Variants in AFP observed in about 807,000 individuals in gnomAD.
The protein encoded by AFP is alpha-fetoprotein.
A neutral mutation model predicts 78.9 loss-of-function variants in AFP; 64 were observed. The ratio of observed to expected loss-of-function variants is 0.81; its 90% CI spans 0.66 to 1.00. The LOEUF is 1.00. AFP is among the 50% of genes least tolerant of loss of function. The probability of loss-of-function intolerance (pLI) is 0.00; values close to 1 mark genes in which losing one functional copy is unlikely to be tolerated. For synonymous variants in AFP, 254 were observed against 243.8 expected, an observed-to-expected ratio of 1.04 and a Z score of -0.39; for missense variants, 689 against 703.8, an observed-to-expected ratio of 0.98 and a Z score of 0.24.
At chr4:73,445,433 GTATT>G (rs1187540491) in intron 7 of AFP, among the ~76,000 whole-genome samples, 1 of 152,028 alleles carries the variant, frequency 6.6e-6, no homozygotes, top group Non-Finnish European at 1.5e-5. Flanking sequence ...AAGGTTTAAT[GTATT>G]TATTTTTTCA....
rs746844994 is a variant in AFP, at chr4:73,442,383, A to G, written c.570A>G (p.Pro190=). ...LWAARYDKII[P]SCCKAENAVE... ...CTGCTCGCTATGACAAAATAATTCC[A>G]TCTTGCTGCAAAGCTGAAAATGCAG... is the stretch of plus-strand genomic sequence containing the variant. Residue 190 remains proline, a synonymous_variant, in exon 5 of 15, where the codon CCA becomes CCG. Transcript: ENST00000395792. The G allele has an allele frequency of 2.5e-6, 4 of 1,613,974 alleles. No homozygotes were observed. Among genetic ancestry groups the G allele is most frequent in the Admixed American group, 3.3e-5 (2 of 60,008 alleles).
At chr4:73,454,610 C>G (rs1300019772) in intron 13 of AFP, among the ~76,000 whole-genome samples, 1 of 152,084 alleles carries the variant, frequency 6.6e-6, no homozygotes, top group Non-Finnish European at 1.5e-5. Flanking sequence ...TATAGCAACA[C>G]TATACTTTAA....
At chr4:73,444,892 C>A in intron 6 of AFP, 101 bp from the exon 7 acceptor site, 1 of 1,047,078 alleles carries the variant, frequency 9.6e-7, no homozygotes. Flanking sequence ...GAATTTCAGT[C>A]ATTTCTCTTT....
At position 73,450,059 on chromosome 4, in the gene AFP, C is replaced by T. The variant is rs1577958124; in HGVS notation, c.1215C>T (p.Ile405=). 1.9e-6 allele frequency: 3 copies of T among 1,613,150 alleles called. No homozygotes were observed. Among genetic ancestry groups the T allele is most frequent in the Non-Finnish European group, 2.5e-6 (3 of 1,179,420 alleles). ...DKGEEELQKY[I]QESQALAKRS... is the part of the protein sequence containing the mutation. ...AGGAAGAAGAATTACAGAAATACAT[C>T]CAGGAGAGCCAAGCATTGGCAAAGC... Residue 405 remains isoleucine (I), a synonymous_variant, in exon 10 of 15, where the codon ATC becomes ATT. Transcript: ENST00000395792.
At chr4:73,450,790 G>T in intron 11 of AFP, 37 bp downstream of exon 11, 3 of 1,613,008 alleles carry the variant, frequency 1.9e-6, no homozygotes, top group Non-Finnish European at 2.5e-6. Context: ...TCTCATTTCT[G>T]CCCTGTTTGA....
intron 8 of AFP, among the ~76,000 whole-genome samples, chr4:73,448,927 GA>G (rs2149335763): frequency 6.6e-6 from 1 of 152,162 alleles, no homozygotes; most frequent in Admixed American, 6.5e-5. Flanking sequence ...ACTGAAATGA[GA>G]TGGCCTATTT....
intron 3 of AFP, among the ~76,000 whole-genome samples, chr4:73,438,582 T>C (rs546931513): frequency 6.6e-6 from 1 of 152,216 alleles, no homozygotes; most frequent in Admixed American, 6.5e-5. Flanking sequence ...TGAGCTTCAG[T>C]TTTCTTATCT....
intron 10 of AFP, 56 bp downstream of exon 10, chr4:73,450,189 C>G (rs962797364): frequency 3.0e-5 from 40 of 1,326,486 alleles, no homozygotes; most frequent in Non-Finnish European, 3.7e-5. Context: ...GAGAATGTAG[C>G]CTTCCCCATT....
intron 10 of AFP, 21 bp downstream of exon 10, chr4:73,450,154 T>G: frequency 1.9e-6 from 3 of 1,545,774 alleles, no homozygotes; most frequent in Non-Finnish European, 2.7e-6. Flanking sequence ...GTAAACAGTA[T>G]TTTTAGTGAA....
chr4:73,439,579 C>A (rs1480784361), intron 3 of AFP, among the ~76,000 whole-genome samples: 5 of 152,264 alleles, frequency 3.3e-5, no homozygotes, highest in Non-Finnish European at 7.4e-5. Context: ...AATTAGAAAT[C>A]TTACGTAAGC....
chr4:73,447,251 A>G (rs1209310355), intron 7 of AFP, among the ~76,000 whole-genome samples: 1 of 152,010 alleles, frequency 6.6e-6, no homozygotes, highest in Non-Finnish European at 1.5e-5. Flanking sequence ...TTGCACTGCT[A>G]AATAAAATTA....
At chr4:73,437,233 G>A (rs1719534126) in intron 2 of AFP, 22 bp downstream of exon 2, 1 of 1,575,334 alleles carries the variant, frequency 6.3e-7, no homozygotes, top group Non-Finnish European at 8.7e-7. Context: ...TTATATAAAT[G>A]TACTTTAAAT....
chr4:73,436,288 T>A lies in AFP; in HGVS notation c.26T>A (p.Leu9Ter), dbSNP rs200781949. Residue 9 changes from leucine to a stop codon, truncating the protein, a stop_gained, in exon 1 of 15, where the codon TTA becomes TAA. Transcript: ENST00000395792. LOFTEE classifies it high-confidence loss of function. MKWVESIF[L>*]IFLLNFTESR... ...ATGAAGTGGGTGGAATCAATTTTTT[T>A]AATTTTCCTACTAAATTTTACTGAA... 4.3e-5 allele frequency: 69 copies of A among 1,603,432 alleles called. No individual in the cohort carries two copies. Among genetic ancestry groups the A allele is most frequent in the South Asian group, 5.5e-5 (5 of 90,484 alleles).
chr4:73,444,924 C>T (rs1719773241), intron 6 of AFP, 69 bp from the exon 7 acceptor site: 1 of 1,353,076 alleles, frequency 7.4e-7, no homozygotes, highest in African/African-American at 1.5e-5. Flanking sequence ...TGTAGTAATA[C>T]TCTATAAATT....
Position 73,443,411 on chromosome 4 carries a change from T to C in AFP, c.680T>C (p.Met227Thr), listed in dbSNP as rs758406512. 6.2e-7 allele frequency: 1 copy of C among 1,613,532 alleles called. No homozygotes were observed. The highest frequency in any genetic ancestry group is 8.5e-7 in the Non-Finnish European group (1 of 1,179,542). ...SLLNQHACAVMKNFGTRTFQA... is the reference protein window; with the variant it reads ...SLLNQHACAVTKNFGTRTFQA... The stretch of plus-strand genomic sequence containing the variant: ...TTAAATCAACATGCATGTGCAGTAA[T>C]GAAAAATTTTGGGACCCGAACTTTC... Residue 227 changes from methionine (M) to threonine (T), a missense_variant, in exon 6 of 15, where the codon ATG (methionine) becomes ACG (threonine). Physicochemically the swap from Met to Thr is moderately conservative, Grantham distance 81 (BLOSUM62 -1). Coordinates refer to ENST00000395792, the MANE Select transcript of AFP (RefSeq NM_001134.3).
chr4:73,455,196 T>G (rs781504090), intron 13 of AFP, 40 bp from the exon 14 acceptor site: 1 of 1,449,208 alleles, frequency 6.9e-7, no homozygotes, highest in South Asian at 1.1e-5. Context: ...GGTATAATAA[T>G]CCATTTCTTT....
Position 73,438,261 on chromosome 4 carries a change from G to C in AFP, c.225G>C (p.Glu75Asp), listed in dbSNP as rs1719567830. The C allele has an allele frequency of 6.2e-7, 1 of 1,613,300 alleles. No homozygotes were observed. Among genetic ancestry groups the C allele is most frequent in the African/African-American group, 1.3e-5 (1 of 74,904 alleles). ...KMVKDALTAI[E>D]KPTGDEQSSG... ...TGAAAGATGCATTGACTGCAATTGA[G>C]AAACCCACTGGAGATGAACAGTCTT... Residue 75 changes from glutamate (E) to aspartate (D), a missense_variant, in exon 3 of 15, where the codon GAG becomes GAC. Physicochemically the swap from Glu to Asp is conservative, Grantham distance 45 (BLOSUM62 2). Transcript: ENST00000395792.
At chr4:73,445,266 G>A (rs954949771) in intron 7 of AFP, 144 bp downstream of exon 7, 56 of 994,096 alleles carry the variant, frequency 5.6e-5, no homozygotes, top group East Asian at 2.5e-4. Flanking sequence ...CAGAATTCTC[G>A]GTAGTAAAAC....
chr4:73,438,246 A>G lies in AFP; in HGVS notation c.210A>G (p.Ala70=), dbSNP rs371149488. ...YKEVSKMVKD[A]LTAIEKPTGD... ...AAGTAAGCAAAATGGTGAAAGATGC[A>G]TTGACTGCAATTGAGAAACCCACTG... The change falls in exon 3 of 15, where the codon GCA becomes GCG. Residue 70 remains alanine, a synonymous_variant. Transcript: ENST00000395792. 1 of 1,613,518 alleles carries G rather than the reference A, an allele frequency of 6.2e-7. No individual in the cohort carries two copies. Among genetic ancestry groups the G allele is most frequent in the Non-Finnish European group, 8.5e-7 (1 of 1,179,572 alleles).
Sources: allele counts gnomAD v4.1 joint callset (sites outside exome capture counted in the v4.1 genomes callset), GRCh38; gene constraint gnomAD v4.1.1; transcripts MANE v1.5; gene names NCBI Gene and HGNC (gene_info 2026-07-23, HGNC 2026-07-21).